Variants in ICA1L observed in about 807,000 individuals in gnomAD.
The protein encoded by ICA1L is islet cell autoantigen 1-like protein.
ICA1L carries 50 observed loss-of-function variants against 61.3 expected under a neutral mutation model. The ratio of observed to expected loss-of-function variants is 0.82; its 90% confidence interval spans 0.65 to 1.03. The LOEUF (loss-of-function observed/expected upper bound fraction) is 1.03, where lower values mean the gene tolerates loss of function less well. Among genes scored for constraint, ICA1L ranks in the 50% least tolerant of loss-of-function variants. The pLI is 0.00. For missense variants in ICA1L, 508 were observed against 556.7 expected (o/e 0.91, Z 0.88); for synonymous variants, 161 against 191.3 (o/e 0.84, Z 1.31).
chr2:202,852,093 C>T (rs1694641257), intron 1 of ICA1L, among the ~76,000 whole-genome samples: 1 of 152,136 alleles, frequency 6.6e-6, no homozygotes, highest in Non-Finnish European at 1.5e-5. Context: ...TGCCTATGTC[C>T]TGAATGGTAT....
chr2:202,824,969 G>A (rs973452222), intron 3 of ICA1L, among the ~76,000 whole-genome samples: 1 of 152,196 alleles, frequency 6.6e-6, no homozygotes, highest in African/African-American at 2.4e-5. Flanking sequence ...TCATGACCTT[G>A]ACAAGAGAAA....
intron 1 of ICA1L, among the ~76,000 whole-genome samples, chr2:202,861,881 C>A (rs1694925131): frequency 1.4e-5 from 1 of 73,222 alleles, no homozygotes; most frequent in Non-Finnish European, 2.7e-5. Flanking sequence ...GAGATTCAGA[C>A]TCAAAAAAAA....
intron 1 of ICA1L, among the ~76,000 whole-genome samples, chr2:202,836,351 G>A (rs1251512930): frequency 1.3e-5 from 2 of 152,198 alleles, no homozygotes; most frequent in Admixed American, 6.5e-5. Flanking sequence ...CAGATTCACA[G>A]TGATAAATCC....
intron 1 of ICA1L, among the ~76,000 whole-genome samples, chr2:202,847,339 T>TGACA (rs1397214375): frequency 6.6e-6 from 1 of 152,186 alleles, no homozygotes; most frequent in Non-Finnish European, 1.5e-5. Flanking sequence ...ATTTCATCTG[T>TGACA]GACATCTTGA....
At chr2:202,781,133 A>G (rs1201857501) in intron 12 of ICA1L, among the ~76,000 whole-genome samples, 3 of 152,198 alleles carry the variant, frequency 2.0e-5, no homozygotes, top group Non-Finnish European at 2.9e-5. Flanking sequence ...CATCTTTTAT[A>G]GAGGCTCTCC....
At chr2:202,847,086 G>A (rs1288860133) in intron 1 of ICA1L, among the ~76,000 whole-genome samples, 1 of 152,200 alleles carries the variant, frequency 6.6e-6, no homozygotes, top group Non-Finnish European at 1.5e-5. Flanking sequence ...CTGAAGAAGA[G>A]AAAGGCAGAT....
At chr2:202,796,172 A>G (rs1365665367) in intron 10 of ICA1L, among the ~76,000 whole-genome samples, 1 of 152,202 alleles carries the variant, frequency 6.6e-6, no homozygotes, top group African/African-American at 2.4e-5. Context: ...ATAATACTAC[A>G]TAAATACCAG....
At chr2:202,833,634 T>A (rs1310928027) in intron 1 of ICA1L, among the ~76,000 whole-genome samples, 1 of 152,008 alleles carries the variant, frequency 6.6e-6, no homozygotes, top group African/African-American at 2.4e-5. Flanking sequence ...AAAATAAAGA[T>A]ATTTTCAAAT....
intron 1 of ICA1L, among the ~76,000 whole-genome samples, chr2:202,846,869 A>G (rs1232591046): frequency 6.6e-6 from 1 of 152,268 alleles, no homozygotes; most frequent in African/African-American, 2.4e-5. Context: ...AGTTATTACA[A>G]GACTATATAT....
At chr2:202,848,253 G>A (rs1694520819) in intron 1 of ICA1L, among the ~76,000 whole-genome samples, 2 of 152,128 alleles carry the variant, frequency 1.3e-5, no homozygotes, top group Admixed American at 6.5e-5. Context: ...GTGAGCCACC[G>A]CGCCCAGCCA....
intron 1 of ICA1L, among the ~76,000 whole-genome samples, chr2:202,829,774 GA>G (rs1163395121): frequency 1.3e-5 from 2 of 152,064 alleles, no homozygotes; most frequent in African/African-American, 2.4e-5. Flanking sequence ...GTTATGTCTA[GA>G]AAAAATTATA....
intron 12 of ICA1L, among the ~76,000 whole-genome samples, chr2:202,780,211 A>C (rs965616515): frequency 1.3e-5 from 2 of 152,232 alleles, no homozygotes; most frequent in African/African-American, 4.8e-5. Flanking sequence ...TATTACAAAA[A>C]TATTAGACAT....
chr2:202,846,119 T>C (rs1047677632), intron 1 of ICA1L, among the ~76,000 whole-genome samples: 1 of 152,208 alleles, frequency 6.6e-6, no homozygotes, highest in Non-Finnish European at 1.5e-5. Context: ...CAGTTTACTG[T>C]AGTTTCTGAT....
chr2:202,821,521 A>T (rs773864500), intron 3 of ICA1L, 40 bp from the exon 4 acceptor site: 2 of 1,447,134 alleles, frequency 1.4e-6, no homozygotes, highest in Non-Finnish European at 1.9e-6. Context: ...GTTTCCTTTC[A>T]TCATTTGTTT....
At chr2:202,796,842 T>A in intron 10 of ICA1L, 48 bp downstream of exon 10, 1 of 1,140,184 alleles carries the variant, frequency 8.8e-7, no homozygotes, top group Non-Finnish European at 1.3e-6. Flanking sequence ...AAATAAAAAT[T>A]GAAGAATTTT....
In ICA1L at chr2:202,776,315, T is replaced by C. The variant is rs1480097559; in HGVS notation, c.*3218A>G. On this transcript the variant is annotated 3_prime_UTR_variant, in exon 13 of 13. Transcript: ENST00000358299. ...ACTAGGCAAAGTTTAGCTCGTCTGG[T>C]TTTTTTTAGACTTAAAACACATTTT... 6.6e-6 allele frequency: 1 copy of C among 151,944 alleles called. No homozygotes were observed. The highest frequency in any genetic ancestry group is 2.4e-5 in the African/African-American group (1 of 41,350). The allele number at this position is 151,944 out of a possible 1,614,324, so 9.4% of individuals were successfully genotyped here.
chr2:202,858,497 C>T (rs1170905493), intron 1 of ICA1L, among the ~76,000 whole-genome samples: 2 of 152,262 alleles, frequency 1.3e-5, no homozygotes, highest in African/African-American at 2.4e-5. Flanking sequence ...AGAGGGAGAG[C>T]ATTAGGACAA....
intron 12 of ICA1L, among the ~76,000 whole-genome samples, chr2:202,780,261 C>G (rs1423903978): frequency 2.0e-5 from 3 of 152,120 alleles, no homozygotes; most frequent in Non-Finnish European, 4.4e-5. Flanking sequence ...CATTAGCACA[C>G]CCAACATTGT....
chr2:202,858,662 A>C (rs577142911), intron 1 of ICA1L, among the ~76,000 whole-genome samples: 1 of 152,352 alleles, frequency 6.6e-6, no homozygotes, highest in East Asian at 1.9e-4. Context: ...TGTTTAAAAA[A>C]AGATTATAAT....
Sources: allele counts gnomAD v4.1 joint callset (sites outside exome capture counted in the v4.1 genomes callset), GRCh38; gene constraint gnomAD v4.1.1; transcripts MANE v1.5; gene names NCBI Gene and HGNC (gene_info 2026-07-23, HGNC 2026-07-21).